The following FNIP2 variants were observed in gnomAD, a reference collection of about 807,000 sequenced individuals.
The protein encoded by FNIP2 is folliculin interacting protein 2, also known as folliculin-interacting protein 2.
Under a neutral mutation model 108.7 loss-of-function variants are expected in FNIP2, and 32 were observed. The observed-to-expected ratio is 0.29, with a 90% CI of 0.22 to 0.40. The LOEUF is 0.40. FNIP2 is among the 10% of genes least tolerant of loss of function. The probability of loss-of-function intolerance (pLI) is 1.00; values close to 1 mark genes in which losing one functional copy is unlikely to be tolerated. For synonymous variants in FNIP2, 480 were observed against 496.7 expected, an observed-to-expected ratio of 0.97 and a Z score of 0.45; for missense variants, 1,202 against 1,381.6, an observed-to-expected ratio of 0.87 and a Z score of 2.06.
chr4:158,855,359 C>T (rs1779925442), intron 8 of FNIP2, among the ~76,000 whole-genome samples: 1 of 152,214 alleles, frequency 6.6e-6, no homozygotes, highest in Non-Finnish European at 1.5e-5. Flanking sequence ...TGTGGGGTCG[C>T]ATGCCCATGC....
At chr4:158,783,239 G>A (rs965772626) in intron 1 of FNIP2, among the ~76,000 whole-genome samples, 1 of 152,182 alleles carries the variant, frequency 6.6e-6, no homozygotes, top group African/African-American at 2.4e-5. Context: ...GGTGAGAATT[G>A]TTGTGGTCCA....
At chr4:158,822,702 T>G (rs548057689) in intron 1 of FNIP2, among the ~76,000 whole-genome samples, 6 of 152,158 alleles carry the variant, frequency 3.9e-5, no homozygotes, top group Non-Finnish European at 8.8e-5. Flanking sequence ...TCTTGCTATG[T>G]CATCCAGTCT....
In FNIP2 at chr4:158,841,125, T is replaced by C. The variant is rs192726202; in HGVS notation, c.727+5649T>C. The stretch of plus-strand genomic sequence containing the variant: ...CACACACCAAGAGGATATGAAAAGG[T>C]TTATTACTCACATAATGAGGCTGTT... On this transcript the variant is annotated intron_variant, in intron 7 of 16. Transcript: ENST00000264433. Among the ~76,000 whole-genome samples the C allele has an allele frequency of 2.0e-5, 3 of 152,058 alleles. No individual in the cohort carries two copies. In the East Asian group the frequency reaches 5.8e-4, roughly 29 times the overall value.
intron 15 of FNIP2, chr4:158,893,771 C>T: frequency 1.5e-6 from 2 of 1,290,644 alleles, no homozygotes; most frequent in Non-Finnish European, 2.2e-6. Flanking sequence ...TAAGTATTTG[C>T]CAAACTTTTA....
intron 1 of FNIP2, among the ~76,000 whole-genome samples, chr4:158,816,452 T>C (rs181157633): frequency 1.3e-5 from 2 of 152,164 alleles, no homozygotes; most frequent in Admixed American, 6.5e-5. Flanking sequence ...AATATAATAA[T>C]GTGTTGACGG....
In FNIP2 at chr4:158,825,833, A is replaced by G. The variant is rs949181486; in HGVS notation, c.108-83A>G. ...GTGGCCTTTTGATGTGCACACAGGC[A>G]TGGTGACTGGGAAGCTTATCTGTCT... On this transcript the variant is annotated intron_variant, in intron 1 of 16. Transcript: ENST00000264433. 6.0e-6 allele frequency: 9 copies of G among 1,512,376 alleles called. No individual in the cohort carries two copies. The Admixed American group carries it at 1.2e-4, about 20-fold the overall frequency. The allele number at this position is 1,512,376 out of a possible 1,614,324, so 93.7% of individuals were successfully genotyped here.
At position 158,830,926 on chromosome 4, in the gene FNIP2, C is replaced by T. The variant is rs139820612; in HGVS notation, c.382-935C>T. Among the ~76,000 whole-genome samples, 216 of 152,208 alleles carry T rather than the reference C, an allele frequency of 1.4e-3. 2 individuals carry two copies. The highest frequency in any genetic ancestry group is 5.0e-3 in the African/African-American group (207 of 41,524). On this transcript the variant is annotated intron_variant, in intron 3 of 16. Transcript: ENST00000264433. Reference sequence around the variant, plus strand: ...AGGTGAATGAATGTATTGGGGTATACGATTCTAGAGCTCCAGGAGAGCTCT... The same window carrying T: ...AGGTGAATGAATGTATTGGGGTATATGATTCTAGAGCTCCAGGAGAGCTCT...
chr4:158,870,759 G>A (rs909253880), intron 14 of FNIP2, among the ~76,000 whole-genome samples: 1 of 152,220 alleles, frequency 6.6e-6, no homozygotes, highest in Non-Finnish European at 1.5e-5. Context: ...CAGTGAGGAG[G>A]GGGTGACTTC....
At chr4:158,899,813 A>AT (rs1203392797) in intron 16 of FNIP2, among the ~76,000 whole-genome samples, 2 of 151,954 alleles carry the variant, frequency 1.3e-5, no homozygotes, top group African/African-American at 4.8e-5. Flanking sequence ...GGATTCATTG[A>AT]TTTTTTGAAG....
At chr4:158,881,183 C>T (rs1004588619) in intron 14 of FNIP2, among the ~76,000 whole-genome samples, 12 of 149,310 alleles carry the variant, frequency 8.0e-5, no homozygotes, top group East Asian at 2.0e-4. Flanking sequence ...TCTCCCTCTC[C>T]GTCTCCCTCC....
chr4:158,785,024 T>G (rs1259524901), intron 1 of FNIP2, among the ~76,000 whole-genome samples: 2 of 152,116 alleles, frequency 1.3e-5, no homozygotes, highest in African/African-American at 4.8e-5. Context: ...GAACCTGCAT[T>G]GTTTTCAGCA....
intron 8 of FNIP2, among the ~76,000 whole-genome samples, chr4:158,854,961 T>G (rs954897839): frequency 6.6e-6 from 1 of 152,192 alleles, no homozygotes; most frequent in African/African-American, 2.4e-5. Context: ...AGTATTTCTA[T>G]AATAGGTTTT....
chr4:158,900,554 CTCT>C lies in FNIP2; in HGVS notation c.3267-3908_3267-3906del, dbSNP rs374778139. ...TTGCATGTAGATTTAGGATAGTTAG[CTCT>C]TCTGGTTGCATTGATCCCTTTACCA... On this transcript the variant is annotated intron_variant, in intron 16 of 16. Coordinates refer to ENST00000264433, the MANE Select transcript of FNIP2 (RefSeq NM_020840.3). 4.5e-3 allele frequency among the ~76,000 whole-genome samples: 689 copies of C among 152,314 alleles called. 4 individuals carry two copies. Among genetic ancestry groups the C allele is most frequent in the African/African-American group, 0.015 (637 of 41,572 alleles).
intron 1 of FNIP2, among the ~76,000 whole-genome samples, chr4:158,811,128 G>A (rs1382755004): frequency 6.6e-6 from 1 of 152,076 alleles, no homozygotes; most frequent in Non-Finnish European, 1.5e-5. Context: ...AAACACCCAA[G>A]GTTCCTGGGA....
At chr4:158,897,734 A>G (rs1405656655) in intron 16 of FNIP2, among the ~76,000 whole-genome samples, 1 of 152,188 alleles carries the variant, frequency 6.6e-6, no homozygotes, top group East Asian at 1.9e-4. Flanking sequence ...GATTCTGGAT[A>G]TTAGCCCTTT....
At chr4:158,872,742 T>TTG (rs1224089710) in intron 14 of FNIP2, 6 of 980,832 alleles carry the variant, frequency 6.1e-6, no homozygotes, top group African/African-American at 5.5e-5. Context: ...GTGTTTTTTT[T>TTG]TTTTTTTTTA....
intron 16 of FNIP2, among the ~76,000 whole-genome samples, chr4:158,896,297 G>A (rs1483096664): frequency 6.6e-6 from 1 of 152,152 alleles, no homozygotes; most frequent in Non-Finnish European, 1.5e-5. Context: ...CTAGGCTTGA[G>A]GAGCCTGCCT....
chr4:158,900,495 A>G (rs1729120566), intron 16 of FNIP2, among the ~76,000 whole-genome samples: 1 of 152,178 alleles, frequency 6.6e-6, no homozygotes, highest in Admixed American at 6.5e-5. Context: ...CTCTTTAAGA[A>G]CTTGCTTTAT....
At chr4:158,835,277 CT>C in intron 6 of FNIP2, 127 bp from the exon 7 acceptor site, 2 of 625,942 alleles carry the variant, frequency 3.2e-6, no homozygotes, top group Non-Finnish European at 5.7e-6. Context: ...TAGTTAATCT[CT>C]ATTAAAAGCT....
Sources: gnomAD v4.1 joint callset for allele counts (sites outside exome capture counted in the v4.1 genomes callset) on GRCh38, gnomAD v4.1.1 for gene constraint, MANE v1.5 for transcripts, NCBI Gene and HGNC (gene_info 2026-07-23, HGNC 2026-07-21) for gene names.